PTPRD: variants seen among roughly 807,000 people sequenced by gnomAD.
PTPRD encodes protein tyrosine phosphatase receptor type D.
Under a neutral mutation model 214.5 loss-of-function variants are expected in PTPRD, and 34 were observed. The observed-to-expected ratio is 0.16, with a 90% CI of 0.12 to 0.21. The LOEUF is 0.21. PTPRD is among the 10% of genes least tolerant of loss of function. PTPRD has a pLI of 1.00. For synonymous variants in PTPRD, 1,128 were observed against 845.7 expected (o/e 1.33, Z -5.79); for missense variants, 2,545 against 2,398.7 (o/e 1.06, Z -1.27).
chr9:9,396,991 T>C (rs1003055625), intron 9 of PTPRD, among the ~76,000 whole-genome samples: 20 of 152,058 alleles, frequency 1.3e-4, no homozygotes, highest in Admixed American at 2.0e-4. Context: ...TGAATAATCA[T>C]AGCAATATAA....
At chr9:10,381,704 T>A (rs1474835366) in intron 2 of PTPRD, among the ~76,000 whole-genome samples, 1 of 151,970 alleles carries the variant, frequency 6.6e-6, no homozygotes, top group African/African-American at 2.4e-5. Context: ...GTTTACCACA[T>A]ACAAAGTTAT....
At chr9:10,081,844 G>A (rs910015544) in intron 3 of PTPRD, among the ~76,000 whole-genome samples, 1 of 152,032 alleles carries the variant, frequency 6.6e-6, no homozygotes, top group Non-Finnish European at 1.5e-5. Flanking sequence ...GAAAATAGCT[G>A]AGTGCTTATT....
chr9:8,592,254 T>G (rs1191708639), intron 14 of PTPRD, among the ~76,000 whole-genome samples: 1 of 152,118 alleles, frequency 6.6e-6, no homozygotes, highest in Non-Finnish European at 1.5e-5. Flanking sequence ...CTACTCAGAC[T>G]CAAAGTACAC....
At chr9:8,509,584 T>A (rs923261775) in intron 21 of PTPRD, among the ~76,000 whole-genome samples, 1 of 152,352 alleles carries the variant, frequency 6.6e-6, no homozygotes, top group South Asian at 2.1e-4. Flanking sequence ...GTTACGCATT[T>A]CTTCCCTGCC....
At chr9:9,651,805 C>T (rs1444258991) in intron 7 of PTPRD, among the ~76,000 whole-genome samples, 1 of 109,150 alleles carries the variant, frequency 9.2e-6, no homozygotes, top group African/African-American at 3.3e-5. Context: ...ACCACACTGC[C>T]TTTGTATTTA....
At chr9:8,953,892 G>A (rs142166082) in intron 11 of PTPRD, among the ~76,000 whole-genome samples, 1 of 152,112 alleles carries the variant, frequency 6.6e-6, no homozygotes, top group Non-Finnish European at 1.5e-5. Context: ...CTTATACACT[G>A]GTGGGAATGT....
At chr9:9,784,203 G>A (rs1430343260) in intron 5 of PTPRD, among the ~76,000 whole-genome samples, 4 of 152,008 alleles carry the variant, frequency 2.6e-5, no homozygotes, top group African/African-American at 4.8e-5. Flanking sequence ...AAGGGTCATA[G>A]TTTAGGAAGA....
intron 4 of PTPRD, among the ~76,000 whole-genome samples, chr9:10,028,389 A>C (rs1281756030): frequency 6.6e-6 from 1 of 152,184 alleles, no homozygotes; most frequent in Non-Finnish European, 1.5e-5. Flanking sequence ...ATACCCAAAA[A>C]TGTGGAACTG....
rs1483495095 is a variant in PTPRD at position 8,948,469 on chromosome 9, ATATATATATATT to A, written c.-104+70216_-104+70227del. On this transcript the variant is annotated intron_variant, in intron 11 of 45. Coordinates refer to ENST00000381196, the MANE Select transcript of PTPRD (RefSeq NM_002839.4). The stretch of plus-strand genomic sequence containing the variant: ...TATATATATTTATATATATATTTAC[ATATATATATATT>A]TATATATATATTTATATATATATTT... Among the ~76,000 whole-genome samples the A allele has an allele frequency of 2.6e-3, 18 of 7,048 alleles. 3 individuals carry two copies. Among genetic ancestry groups the A allele is most frequent in the African/African-American group, 5.2e-3 (14 of 2,674 alleles). 4.6% of individuals were successfully genotyped at this position (7,048 alleles called of 152,430 possible).
At chr9:9,265,561 A>C (rs971169390) in intron 9 of PTPRD, among the ~76,000 whole-genome samples, 1 of 151,694 alleles carries the variant, frequency 6.6e-6, no homozygotes, top group East Asian at 2.0e-4. Flanking sequence ...AAAGATGTAA[A>C]TTGTGACATA....
At chr9:9,797,738 C>A (rs924395726) in intron 5 of PTPRD, among the ~76,000 whole-genome samples, 1 of 150,800 alleles carries the variant, frequency 6.6e-6, no homozygotes, top group South Asian at 2.1e-4. Context: ...CCCAGCTACT[C>A]GGGGGGGGCT....
intron 12 of PTPRD, among the ~76,000 whole-genome samples, chr9:8,641,334 G>A (rs773807570): frequency 6.7e-6 from 1 of 148,402 alleles, no homozygotes; most frequent in South Asian, 2.1e-4. Context: ...AAGGTATAAA[G>A]ATGGGGAGAA....
At chr9:9,464,839 C>T (rs746924825) in intron 8 of PTPRD, among the ~76,000 whole-genome samples, 1 of 152,134 alleles carries the variant, frequency 6.6e-6, no homozygotes, top group Non-Finnish European at 1.5e-5. Context: ...AAAGGTACAG[C>T]AAAAAGTGAC....
At chr9:8,953,433 A>C (rs1379298227) in intron 11 of PTPRD, among the ~76,000 whole-genome samples, 2 of 151,868 alleles carry the variant, frequency 1.3e-5, no homozygotes, top group African/African-American at 4.8e-5. Context: ...TCTTGATATC[A>C]GCCTTGGCAA....
intron 9 of PTPRD, among the ~76,000 whole-genome samples, chr9:9,279,658 A>G (rs1946945760): frequency 6.6e-6 from 1 of 150,760 alleles, no homozygotes. Context: ...TTTCAAGAAG[A>G]GAATGTTTAA....
At chr9:10,379,134 G>C (rs541394097) in intron 2 of PTPRD, among the ~76,000 whole-genome samples, 1 of 151,614 alleles carries the variant, frequency 6.6e-6, no homozygotes, top group African/African-American at 2.4e-5. Context: ...TGTTGGCATA[G>C]AGAAATGCTA....
At chr9:8,514,506 C>A (rs2097748417) in intron 21 of PTPRD, among the ~76,000 whole-genome samples, 1 of 149,206 alleles carries the variant, frequency 6.7e-6, no homozygotes, top group Non-Finnish European at 1.5e-5. Flanking sequence ...CTTCCTTCCA[C>A]TTCTTTTAGA....
At chr9:10,281,364 C>T (rs1322628368) in intron 3 of PTPRD, among the ~76,000 whole-genome samples, 4 of 152,124 alleles carry the variant, frequency 2.6e-5, no homozygotes, top group Non-Finnish European at 4.4e-5. Flanking sequence ...ATAAGGCTGG[C>T]TCTCACCTTT....
At chr9:10,607,291 T>C (rs977931418) in intron 2 of PTPRD, among the ~76,000 whole-genome samples, 3 of 151,908 alleles carry the variant, frequency 2.0e-5, no homozygotes, top group Non-Finnish European at 2.9e-5. Flanking sequence ...ATATGGTGTA[T>C]TGTTGAACTT....
Sources: allele counts gnomAD v4.1 joint callset (sites outside exome capture counted in the v4.1 genomes callset), GRCh38; gene constraint gnomAD v4.1.1; transcripts MANE v1.5; gene names NCBI Gene and HGNC (gene_info 2026-07-23, HGNC 2026-07-21).